The following GCC2 variants were observed in gnomAD, a reference collection of about 807,000 sequenced individuals.
GCC2 encodes GRIP and coiled-coil domain containing 2.
Under a neutral mutation model 210.6 loss-of-function variants are expected in GCC2, and 120 were observed. The ratio of observed to expected loss-of-function variants is 0.57; its 90% CI spans 0.49 to 0.66. GCC2 has a LOEUF of 0.66. Among genes scored for constraint, GCC2 ranks in the 30% least tolerant of loss-of-function variants. The pLI is 0.00. For synonymous variants in GCC2, 703 were observed against 652.7 expected (o/e 1.08, Z -1.17); for missense variants, 1,868 against 1,871.9 (o/e 1.00, Z 0.04).
chr2:108,452,558 T>G (rs1680001657), intron 4 of GCC2, 92 bp downstream of exon 4: 1 of 768,746 alleles, frequency 1.3e-6, no homozygotes. Context: ...CTGTTTCTGT[T>G]CTACTTCCTC....
chr2:108,508,181 A>G lies in GCC2; in HGVS notation c.*551A>G, dbSNP rs1683300458. The G allele has an allele frequency of 6.6e-6, 1 of 151,304 alleles. No individual in the cohort carries two copies. Among genetic ancestry groups the G allele is most frequent in the Non-Finnish European group, 1.5e-5 (1 of 67,900 alleles). The allele number at this position is 151,304 out of a possible 1,614,324, so 9.4% of individuals were successfully genotyped here. ...AGTAATAAAATAAAAATAACGTTTT[A>G]TGACTATTTATTGCAAGGTCAGAGT... On this transcript the variant is annotated 3_prime_UTR_variant, in exon 23 of 23. Transcript: ENST00000309863.
At chr2:108,472,485 G>A (rs887448093) in intron 6 of GCC2, among the ~76,000 whole-genome samples, 1 of 152,108 alleles carries the variant, frequency 6.6e-6, no homozygotes, top group Non-Finnish European at 1.5e-5. Flanking sequence ...AGTAAGAGCT[G>A]TGGTGGTATT....
chr2:108,464,228 G>T (rs765722345), intron 4 of GCC2, among the ~76,000 whole-genome samples: 1 of 152,054 alleles, frequency 6.6e-6, no homozygotes, highest in African/African-American at 2.4e-5. Flanking sequence ...CCTGTGCGTC[G>T]GCCCACAGCG....
At chr2:108,506,308 G>C (rs1683182936) in intron 22 of GCC2, among the ~76,000 whole-genome samples, 1 of 152,262 alleles carries the variant, frequency 6.6e-6, no homozygotes, top group African/African-American at 2.4e-5. Flanking sequence ...TGCACTGCCA[G>C]TACAGCAACA....
chr2:108,487,346 T>C (rs971619033), intron 16 of GCC2, among the ~76,000 whole-genome samples: 3 of 152,218 alleles, frequency 2.0e-5, no homozygotes, highest in African/African-American at 7.2e-5. Flanking sequence ...ATATGTATTA[T>C]TGAGAGGCCT....
chr2:108,461,016 G>T (rs980053532), intron 4 of GCC2, among the ~76,000 whole-genome samples: 2 of 152,106 alleles, frequency 1.3e-5, no homozygotes, highest in African/African-American at 4.8e-5. Flanking sequence ...TGCTTCCTAT[G>T]CAGCTTGAAG....
intron 20 of GCC2, 143 bp from the exon 21 acceptor site, chr2:108,496,827 G>T (rs899888529): frequency 2.7e-6 from 3 of 1,104,768 alleles, no homozygotes; most frequent in African/African-American, 3.2e-5. Context: ...GTTGATTGAG[G>T]TATGCCGAAT....
chr2:108,471,649 A>G lies in GCC2; in HGVS notation c.2320A>G (p.Ser774Gly). The stretch of plus-strand genomic sequence containing the variant: ...AATGGGATCAGAAGTTTCAGAAGAC[A>G]GTGAAGAGAAAGATGTTGTTAATGT... ...KEMGSEVSED[S>G]EEKDVVNVLQ... The change falls in exon 6 of 23, where the codon AGT (serine) becomes GGT (glycine). Residue 774 changes from serine (S) to glycine (G), a missense_variant. Transcript: ENST00000309863. 6.2e-7 allele frequency: 1 copy of G among 1,613,500 alleles called. No individual in the cohort carries two copies. Among genetic ancestry groups the G allele is most frequent in the Non-Finnish European group, 8.5e-7 (1 of 1,179,488 alleles).
intron 18 of GCC2, among the ~76,000 whole-genome samples, chr2:108,491,838 TAA>T (rs1682417598): frequency 6.6e-6 from 1 of 151,886 alleles, no homozygotes; most frequent in Non-Finnish European, 1.5e-5. Context: ...GGTAAACCAT[TAA>T]AAGTGATGGT....
At chr2:108,506,098 C>A (rs3954193) in intron 22 of GCC2, among the ~76,000 whole-genome samples, 14 of 152,210 alleles carry the variant, frequency 9.2e-5, no homozygotes, top group East Asian at 1.9e-4. Flanking sequence ...AAACCAGTGA[C>A]TTATGCACTT....
chr2:108,483,737 T>C (rs1350832871), intron 12 of GCC2, among the ~76,000 whole-genome samples: 1 of 152,216 alleles, frequency 6.6e-6, no homozygotes, highest in Non-Finnish European at 1.5e-5. Flanking sequence ...GTATGACACA[T>C]TAAGATTTAA....
chr2:108,455,269 A>T (rs1040290095), intron 4 of GCC2, among the ~76,000 whole-genome samples: 2 of 152,098 alleles, frequency 1.3e-5, no homozygotes, highest in Non-Finnish European at 2.9e-5. Flanking sequence ...GTGAAACCCC[A>T]TCTCTACTCA....
chr2:108,466,464 TTTTA>T (rs59825625), intron 4 of GCC2, among the ~76,000 whole-genome samples: 48 of 151,146 alleles, frequency 3.2e-4, no homozygotes, highest in African/African-American at 9.7e-4. Flanking sequence ...ATGGTTTCTT[TTTTA>T]TTTATTTATT....
intron 11 of GCC2, 107 bp downstream of exon 11, chr2:108,482,558 G>T: frequency 1.7e-6 from 1 of 587,446 alleles, no homozygotes. Context: ...GAATACAGCA[G>T]AGTTCATTAA....
chr2:108,467,566 G>A (rs1439541018), intron 4 of GCC2, among the ~76,000 whole-genome samples: 1 of 152,018 alleles, frequency 6.6e-6, no homozygotes, highest in Non-Finnish European at 1.5e-5. Flanking sequence ...CAAAGTGTTG[G>A]GATTGCAGGC....
rs1682015340 is a variant in GCC2, at chr2:108,484,224, TTAAC to T, written c.3530_3533del (p.Thr1177IlefsTer6). The T allele has an allele frequency of 1.3e-6, 2 of 1,583,696 alleles. No individual in the cohort carries two copies. The highest frequency in any genetic ancestry group is 1.4e-5 in the African/African-American group (1 of 73,224). On this transcript the variant is annotated frameshift_variant, in exon 13 of 23. Coordinates refer to ENST00000309863, the MANE Select transcript of GCC2 (RefSeq NM_181453.4). LOFTEE classifies it high-confidence loss of function. ...TTTGATGAAAGAACTAAATCAAAAGTTAACTAATAAAAACAACAAGATAGAAGAT... is the reference window on the plus strand; with the variant it reads ...TTTGATGAAAGAACTAAATCAAAAGTTAATAAAAACAACAAGATAGAAGAT...
In GCC2 at chr2:108,497,062, C is replaced by T. The variant is rs2104507151; in HGVS notation, c.4735C>T (p.Leu1579Phe). The T allele has an allele frequency of 6.2e-7, 1 of 1,612,014 alleles. No individual in the cohort carries two copies. Among genetic ancestry groups the T allele is most frequent in the Non-Finnish European group, 8.5e-7 (1 of 1,179,862 alleles). The change falls in exon 21 of 23, where the codon CTT becomes TTT. Residue 1579 changes from leucine to phenylalanine, a missense_variant. Around this residue, in one of 3 missense-constraint regions of GCC2, gnomAD observed 1,847 missense variants for 1,765.2 expected, o/e 1.05. Coordinates refer to ENST00000309863, the MANE Select transcript of GCC2 (RefSeq NM_181453.4). Reference sequence around the variant, plus strand: ...AAGTGCAGATCACTTAAACGGCCTGCTTCGGGAAACAGAAGCAACCAATGC... The same window carrying T: ...AAGTGCAGATCACTTAAACGGCCTGTTTCGGGAAACAGAAGCAACCAATGC... ...TKSADHLNGL[L>F]RETEATNAIL... is the part of the protein sequence containing the mutation.
intron 7 of GCC2, among the ~76,000 whole-genome samples, chr2:108,473,694 C>T (rs1681358435): frequency 6.6e-6 from 1 of 152,138 alleles, no homozygotes; most frequent in African/African-American, 2.4e-5. Context: ...TTTAGAATGA[C>T]TCCCAGTTGT....
chr2:108,486,857 A>G (rs1682167454), intron 16 of GCC2, among the ~76,000 whole-genome samples: 1 of 152,196 alleles, frequency 6.6e-6, no homozygotes, highest in Non-Finnish European at 1.5e-5. Flanking sequence ...AAAAGGAAAA[A>G]CATGATGTTT....
Sources: gnomAD v4.1 joint callset for allele counts (sites outside exome capture counted in the v4.1 genomes callset) on GRCh38, gnomAD v4.1.1 for gene constraint, gnomAD v4.1.1 regional missense constraint, MANE v1.5 for transcripts, NCBI Gene and HGNC (gene_info 2026-07-23, HGNC 2026-07-21) for gene names.